PRKAG2: variants seen among roughly 807,000 people sequenced by gnomAD.
The protein encoded by PRKAG2 is protein kinase AMP-activated non-catalytic subunit gamma 2, also known as 5'-AMP-activated protein kinase subunit gamma-2.
Under a neutral mutation model 69.6 loss-of-function variants are expected in PRKAG2, and 26 were observed. That is an observed-to-expected ratio of 0.37 (90% CI 0.27 to 0.52). The LOEUF is 0.52. Among genes scored for constraint, PRKAG2 ranks in the 20% least tolerant of loss-of-function variants. The pLI is 0.90. For missense variants in PRKAG2, 557 were observed against 740.0 expected (o/e 0.75, Z 2.87); for synonymous variants, 293 against 285.0 (o/e 1.03, Z -0.28).
chr7:151,868,885 T>G (rs1330954544), intron 1 of PRKAG2, among the ~76,000 whole-genome samples: 1 of 152,184 alleles, frequency 6.6e-6, no homozygotes, highest in Admixed American at 6.5e-5. Flanking sequence ...ACAGGAATAT[T>G]TAAGAGCACA....
chr7:151,798,349 C>T (rs142882709), intron 1 of PRKAG2, among the ~76,000 whole-genome samples: 54 of 152,226 alleles, frequency 3.5e-4, no homozygotes, highest in African/African-American at 1.2e-3. Flanking sequence ...GAGTCTCACT[C>T]TGTCGCCCAG....
chr7:151,770,527 C>G (rs765722010), intron 3 of PRKAG2, among the ~76,000 whole-genome samples: 1 of 152,228 alleles, frequency 6.6e-6, no homozygotes, highest in Admixed American at 6.5e-5. Context: ...ACTATGCTTC[C>G]CAGCCTGTCA....
chr7:151,798,580 G>A (rs1292061917), intron 1 of PRKAG2, among the ~76,000 whole-genome samples: 1 of 152,214 alleles, frequency 6.6e-6, no homozygotes, highest in Admixed American at 6.5e-5. Context: ...CTCCCAGAGT[G>A]TTGAGATTAC....
intron 5 of PRKAG2, among the ~76,000 whole-genome samples, chr7:151,617,918 T>C (rs547604515): frequency 1.3e-5 from 2 of 152,362 alleles, no homozygotes; most frequent in South Asian, 2.1e-4. Context: ...AAGTTTACTA[T>C]ATTTATATAG....
intron 4 of PRKAG2, among the ~76,000 whole-genome samples, chr7:151,650,301 C>CAAA (rs11404467): frequency 1.1e-4 from 16 of 142,230 alleles, no homozygotes; most frequent in South Asian, 2.3e-4. Flanking sequence ...AACCCAGTCT[C>CAAA]AAAAAAAAAA....
At chr7:151,686,089 G>A (rs572018971) in intron 3 of PRKAG2, among the ~76,000 whole-genome samples, 1 of 152,220 alleles carries the variant, frequency 6.6e-6, no homozygotes, top group Admixed American at 6.5e-5. Context: ...CTGAGCCACA[G>A]AGACAGTTAG....
chr7:151,597,478 G>C (rs1014851772), intron 5 of PRKAG2, among the ~76,000 whole-genome samples: 2 of 152,184 alleles, frequency 1.3e-5, no homozygotes, highest in Non-Finnish European at 2.9e-5. Context: ...AATCAACAGA[G>C]TGAAGAGACA....
At chr7:151,581,086 C>T (rs1417363864) in intron 6 of PRKAG2, among the ~76,000 whole-genome samples, 3 of 151,610 alleles carry the variant, frequency 2.0e-5, no homozygotes, top group African/African-American at 7.3e-5. Context: ...ACTATGTACC[C>T]ATAAAAATGA....
At chr7:151,753,028 G>A (rs1219220698) in intron 3 of PRKAG2, among the ~76,000 whole-genome samples, 3 of 152,264 alleles carry the variant, frequency 2.0e-5, no homozygotes, top group African/African-American at 7.2e-5. Flanking sequence ...GGATGGGTGG[G>A]TGCCCACCTG....
intron 3 of PRKAG2, among the ~76,000 whole-genome samples, chr7:151,677,772 C>T (rs1301339878): frequency 1.3e-5 from 2 of 152,188 alleles, no homozygotes; most frequent in Non-Finnish European, 2.9e-5. Flanking sequence ...GTAACCAATC[C>T]AGGTGTTTCT....
chr7:151,800,282 C>T (rs1162791958), intron 1 of PRKAG2, among the ~76,000 whole-genome samples: 5 of 149,116 alleles, frequency 3.4e-5, no homozygotes, highest in South Asian at 2.1e-4. Flanking sequence ...GGCGTGAACC[C>T]GGGAGGCGGA....
At chr7:151,744,003 C>T (rs763048883) in intron 3 of PRKAG2, among the ~76,000 whole-genome samples, 1 of 152,202 alleles carries the variant, frequency 6.6e-6, no homozygotes, top group African/African-American at 2.4e-5. Flanking sequence ...CACAGCAGAG[C>T]TGGGGGCGAG....
chr7:151,634,166 TAATC>T (rs1563312307), intron 4 of PRKAG2, among the ~76,000 whole-genome samples: 1 of 152,106 alleles, frequency 6.6e-6, no homozygotes, highest in Non-Finnish European at 1.5e-5. Context: ...ATGGATATAA[TAATC>T]AATAGAAATA....
intron 3 of PRKAG2, among the ~76,000 whole-genome samples, chr7:151,688,590 G>C (rs540105622): frequency 7.2e-5 from 11 of 152,166 alleles, no homozygotes; most frequent in Non-Finnish European, 1.5e-4. Flanking sequence ...GGAACTCCGC[G>C]GCGGGCTCCC....
At chr7:151,764,314 G>A (rs2075610032) in intron 3 of PRKAG2, among the ~76,000 whole-genome samples, 2 of 152,234 alleles carry the variant, frequency 1.3e-5, no homozygotes, top group Admixed American at 1.3e-4. Flanking sequence ...CCCAGCCCAG[G>A]AGAGTGATGG....
chr7:151,800,022 G>T (rs182214205), intron 1 of PRKAG2, among the ~76,000 whole-genome samples: 52 of 152,226 alleles, frequency 3.4e-4, no homozygotes, highest in African/African-American at 1.1e-3. Flanking sequence ...AGTGAGGCAG[G>T]CCTGGATCTA....
intron 1 of PRKAG2, among the ~76,000 whole-genome samples, chr7:151,875,684 C>T (rs1423542220): frequency 1.3e-5 from 2 of 151,884 alleles, no homozygotes; most frequent in Non-Finnish European, 1.5e-5. Context: ...CACCGCCCTA[C>T]CCCGCTACGT....
At chr7:151,637,679 C>T (rs925958194) in intron 4 of PRKAG2, among the ~76,000 whole-genome samples, 1 of 150,070 alleles carries the variant, frequency 6.7e-6, no homozygotes, top group African/African-American at 2.5e-5. Context: ...AAGGAGGCTA[C>T]TCATGGAACA....
chr7:151,752,055 C>T (rs967134000), intron 3 of PRKAG2, among the ~76,000 whole-genome samples: 1 of 152,164 alleles, frequency 6.6e-6, no homozygotes, highest in Non-Finnish European at 1.5e-5. Flanking sequence ...TGGGGAAAGT[C>T]AAAGGACACA....
Sources: gnomAD v4.1 joint callset for allele counts (sites outside exome capture counted in the v4.1 genomes callset) on GRCh38, gnomAD v4.1.1 for gene constraint, MANE v1.5 for transcripts, NCBI Gene and HGNC (gene_info 2026-07-23, HGNC 2026-07-21) for gene names.